The following GABRA2 variants were observed in gnomAD, a reference collection of about 807,000 sequenced individuals.
GABRA2 encodes gamma-aminobutyric acid type A receptor subunit alpha2.
Under a neutral mutation model 48.7 loss-of-function variants are expected in GABRA2, and 16 were observed. The ratio of observed to expected loss-of-function variants is 0.33; its 90% CI spans 0.22 to 0.50. The LOEUF is 0.50. Among genes scored for constraint, GABRA2 ranks in the 20% least tolerant of loss-of-function variants. The probability of loss-of-function intolerance (pLI) is 0.98; values close to 1 mark genes in which losing one functional copy is unlikely to be tolerated. For missense variants in GABRA2, 275 were observed against 535.6 expected, an observed-to-expected ratio of 0.51 and a Z score of 4.80; for synonymous variants, 185 against 184.5, an observed-to-expected ratio of 1.00 and a Z score of -0.02.
At chr4:46,271,927 C>T (rs1719413522) in intron 8 of GABRA2, among the ~76,000 whole-genome samples, 2 of 151,684 alleles carry the variant, frequency 1.3e-5, no homozygotes, top group Non-Finnish European at 1.5e-5. Context: ...ATGCTGTTTA[C>T]TCTACCTGGA....
chr4:46,360,138 T>G (rs1712927729), intron 3 of GABRA2, among the ~76,000 whole-genome samples: 1 of 152,170 alleles, frequency 6.6e-6, no homozygotes, highest in Non-Finnish European at 1.5e-5. Context: ...TTAAAGCTTA[T>G]TTAGCATTTT....
intron 8 of GABRA2, among the ~76,000 whole-genome samples, chr4:46,270,644 A>T (rs556283521): frequency 6.6e-6 from 1 of 152,130 alleles, no homozygotes; most frequent in South Asian, 2.1e-4. Flanking sequence ...TCTCTATAAC[A>T]TGTGAAATAT....
chr4:46,311,876 A>G (rs1386088560), intron 5 of GABRA2, among the ~76,000 whole-genome samples: 1 of 152,184 alleles, frequency 6.6e-6, no homozygotes, highest in African/African-American at 2.4e-5. Flanking sequence ...AGGTGGGTGG[A>G]TCACTTGAGG....
At chr4:46,371,411 TTA>T (rs1714871399) in intron 3 of GABRA2, among the ~76,000 whole-genome samples, 1 of 152,104 alleles carries the variant, frequency 6.6e-6, no homozygotes, top group African/African-American at 2.4e-5. Flanking sequence ...CAGATTTAAA[TTA>T]GTTATTTTTA....
chr4:46,326,977 A>G (rs1472473105), intron 4 of GABRA2, among the ~76,000 whole-genome samples: 1 of 151,870 alleles, frequency 6.6e-6, no homozygotes, highest in African/African-American at 2.4e-5. Flanking sequence ...CTTATATCCA[A>G]CAGATCACCA....
At chr4:46,280,109 A>T (rs989965016) in intron 8 of GABRA2, among the ~76,000 whole-genome samples, 10 of 152,060 alleles carry the variant, frequency 6.6e-5, no homozygotes, top group African/African-American at 2.4e-4. Flanking sequence ...TGGGAAAAAC[A>T]GAAATCAAAC....
chr4:46,300,407 T>C (rs17537141), intron 8 of GABRA2, among the ~76,000 whole-genome samples: 15,559 of 151,984 alleles, frequency 0.1, 1,060 homozygotes, highest in Non-Finnish European at 0.15. Context: ...TTCCAATTAG[T>C]TCCTTTTTAT....
intron 4 of GABRA2, among the ~76,000 whole-genome samples, chr4:46,315,950 C>T (rs888401041): frequency 2.6e-5 from 4 of 151,742 alleles, no homozygotes; most frequent in African/African-American, 9.6e-5. Context: ...TATACACACA[C>T]ACACACACAC....
chr4:46,307,797 A>G (rs1726958504), intron 6 of GABRA2, among the ~76,000 whole-genome samples: 1 of 152,328 alleles, frequency 6.6e-6, no homozygotes, highest in African/African-American at 2.4e-5. Context: ...ACTGCACTTC[A>G]TTATTTAGAT....
At chr4:46,302,067 T>C (rs1725834966) in intron 8 of GABRA2, among the ~76,000 whole-genome samples, 1 of 149,600 alleles carries the variant, frequency 6.7e-6, no homozygotes, top group African/African-American at 2.5e-5. Context: ...CTCCTTTTCA[T>C]TTTATTCTTT....
At chr4:46,273,376 C>A (rs754962487) in intron 8 of GABRA2, among the ~76,000 whole-genome samples, 62 of 122,744 alleles carry the variant, frequency 5.1e-4, no homozygotes, top group Non-Finnish European at 9.7e-4. Context: ...CTCTCTCTCT[C>A]CCTCTGTGTG....
chr4:46,328,963 C>G (rs1220790452), intron 4 of GABRA2, among the ~76,000 whole-genome samples: 1 of 152,078 alleles, frequency 6.6e-6, no homozygotes, highest in Non-Finnish European at 1.5e-5. Context: ...TGAGCACTAT[C>G]TTCCCTAATA....
intron 4 of GABRA2, among the ~76,000 whole-genome samples, chr4:46,331,616 G>A (rs1731377593): frequency 6.6e-6 from 1 of 152,080 alleles, no homozygotes; most frequent in Admixed American, 6.6e-5. Flanking sequence ...AAAAGTGAAG[G>A]ACTGATTATT....
At chr4:46,330,563 CATAT>C (rs71955894) in intron 4 of GABRA2, among the ~76,000 whole-genome samples, 49,488 of 128,188 alleles carry the variant, frequency 0.39, 9,619 homozygotes, top group African/African-American at 0.49. Flanking sequence ...TGTATATATG[CATAT>C]ATATATATAT....
At chr4:46,336,019 C>G (rs551881987) in intron 3 of GABRA2, among the ~76,000 whole-genome samples, 4 of 152,080 alleles carry the variant, frequency 2.6e-5, no homozygotes, top group African/African-American at 9.6e-5. Context: ...TTAATATATT[C>G]TTCTTGCTTT....
intron 4 of GABRA2, among the ~76,000 whole-genome samples, chr4:46,323,183 T>G (rs1729747728): frequency 6.6e-6 from 1 of 151,938 alleles, no homozygotes; most frequent in Non-Finnish European, 1.5e-5. Context: ...GCTATAACTT[T>G]TTACGGGGTC....
At chr4:46,305,500 C>A in intron 7 of GABRA2, 68 bp downstream of exon 7, 1 of 1,415,114 alleles carries the variant, frequency 7.1e-7, no homozygotes, top group Non-Finnish European at 9.7e-7. Context: ...CAATCTGACA[C>A]ACTTCCAAGT....
intron 4 of GABRA2, among the ~76,000 whole-genome samples, chr4:46,323,751 T>C (rs1729853041): frequency 6.7e-6 from 1 of 148,210 alleles, no homozygotes; most frequent in Non-Finnish European, 1.5e-5. Flanking sequence ...AAAAAAGGTA[T>C]GAACGCCATG....
chr4:46,358,775 G>C (rs1020522466), intron 3 of GABRA2, among the ~76,000 whole-genome samples: 9 of 152,140 alleles, frequency 5.9e-5, no homozygotes, highest in Admixed American at 1.3e-4. Context: ...CTATCAGAGA[G>C]TCCTTTTATC....
Sources: allele counts gnomAD v4.1 joint callset (sites outside exome capture counted in the v4.1 genomes callset), GRCh38; gene constraint gnomAD v4.1.1; transcripts MANE v1.5; gene names NCBI Gene and HGNC (gene_info 2026-07-23, HGNC 2026-07-21).